The following TGFA variants were observed in gnomAD, a reference collection of about 807,000 sequenced individuals.
The protein encoded by TGFA is protransforming growth factor alpha.
Under a neutral mutation model 21.7 loss-of-function variants are expected in TGFA, and 12 were observed. The ratio of observed to expected loss-of-function variants is 0.55; its 90% CI spans 0.35 to 0.90. TGFA has a LOEUF of 0.90. Ranked by LOEUF, TGFA falls within the 40% of genes least tolerant of loss-of-function variation. The probability of loss-of-function intolerance (pLI) is 0.01; values close to 1 mark genes in which losing one functional copy is unlikely to be tolerated. For missense variants in TGFA, 178 were observed against 210.8 expected (o/e 0.84, Z 0.96); for synonymous variants, 79 against 88.1 (o/e 0.90, Z 0.58).
chr2:70,544,884 T>C (rs988673667), intron 1 of TGFA, among the ~76,000 whole-genome samples: 13 of 151,878 alleles, frequency 8.6e-5, no homozygotes, highest in Non-Finnish European at 1.3e-4. Flanking sequence ...GGGTAGTGGG[T>C]GGTGTGGGAG....
chr2:70,505,653 C>T (rs1020091903), intron 2 of TGFA, among the ~76,000 whole-genome samples: 3 of 152,072 alleles, frequency 2.0e-5, no homozygotes, highest in Non-Finnish European at 4.4e-5. Context: ...AGGGATTCCT[C>T]CTGAAGCTGC....
intron 2 of TGFA, among the ~76,000 whole-genome samples, chr2:70,512,959 C>G (rs1352981253): frequency 1.1e-4 from 17 of 152,138 alleles, no homozygotes; most frequent in Admixed American, 9.8e-4. Flanking sequence ...CACCAGAGAG[C>G]CGGGAAACTA....
chr2:70,505,306 A>G (rs113244936), intron 2 of TGFA, among the ~76,000 whole-genome samples: 5 of 152,314 alleles, frequency 3.3e-5, no homozygotes, highest in African/African-American at 1.2e-4. Flanking sequence ...CAAGGGCTGA[A>G]TCCCTGGGAA....
At chr2:70,521,472 T>A (rs1467519681) in intron 1 of TGFA, among the ~76,000 whole-genome samples, 1 of 152,124 alleles carries the variant, frequency 6.6e-6, no homozygotes. Flanking sequence ...TAAAAGCAGA[T>A]AAAGATATCC....
At chr2:70,503,626 G>A (rs1451623084) in intron 2 of TGFA, among the ~76,000 whole-genome samples, 4 of 151,486 alleles carry the variant, frequency 2.6e-5, no homozygotes, top group Admixed American at 6.6e-5. Context: ...GTCCCCAGGG[G>A]GCACAGTTAA....
chr2:70,501,847 C>T (rs1367764315), intron 2 of TGFA, among the ~76,000 whole-genome samples: 1 of 152,216 alleles, frequency 6.6e-6, no homozygotes, highest in Non-Finnish European at 1.5e-5. Context: ...GTGATCATCA[C>T]CTCTCCCTGA....
rs1669989901 is a variant in TGFA at position 70,449,685 on chromosome 2, C to CAA, written c.*1172_*1173dup. ...TTTCCTAGTGCTCGAAAATAAATAG[C>CAA]AAAGTTAAACTTCTCCTTTTAAAAA... On this transcript the variant is annotated 3_prime_UTR_variant, in exon 6 of 6. Coordinates refer to ENST00000295400, the MANE Select transcript of TGFA (RefSeq NM_003236.4). 5.4e-6 allele frequency: 1 copy of CAA among 185,208 alleles called. No individual in the cohort carries two copies. Among genetic ancestry groups the CAA allele is most frequent in the South Asian group, 8.1e-5 (1 of 12,390 alleles). The allele number at this position is 185,208 out of a possible 1,614,324, so 11.5% of individuals were successfully genotyped here.
At chr2:70,495,680 T>A (rs1671552450) in intron 2 of TGFA, among the ~76,000 whole-genome samples, 1 of 152,242 alleles carries the variant, frequency 6.6e-6, no homozygotes, top group Non-Finnish European at 1.5e-5. Flanking sequence ...CTCTCCAGTA[T>A]ATTTTTTATT....
intron 1 of TGFA, among the ~76,000 whole-genome samples, chr2:70,523,784 C>G (rs1553502611): frequency 6.6e-6 from 1 of 152,182 alleles, no homozygotes; most frequent in Admixed American, 6.5e-5. Context: ...TTCCCTACTT[C>G]AAGAGACAAA....
At chr2:70,456,030 C>T (rs1670217319) in intron 4 of TGFA, among the ~76,000 whole-genome samples, 1 of 152,222 alleles carries the variant, frequency 6.6e-6, no homozygotes, top group African/African-American at 2.4e-5. Flanking sequence ...GGAGCACCTG[C>T]CCATGTCATC....
At chr2:70,522,852 C>A (rs1672515239) in intron 1 of TGFA, among the ~76,000 whole-genome samples, 1 of 152,184 alleles carries the variant, frequency 6.6e-6, no homozygotes, top group South Asian at 2.1e-4. Flanking sequence ...CACTGAGCAC[C>A]TGCTGCACCA....
intron 1 of TGFA, among the ~76,000 whole-genome samples, chr2:70,546,399 A>G (rs951743870): frequency 3.7e-4 from 57 of 152,264 alleles, no homozygotes; most frequent in African/African-American, 1.3e-3. Flanking sequence ...TTGGGGTACA[A>G]TTCATTGTTA....
At chr2:70,501,495 A>G (rs2103814055) in intron 2 of TGFA, among the ~76,000 whole-genome samples, 1 of 152,216 alleles carries the variant, frequency 6.6e-6, no homozygotes, top group South Asian at 2.1e-4. Context: ...CTGCTCACTC[A>G]CAAAAATGCT....
At chr2:70,462,684 A>G (rs1254256991) in intron 3 of TGFA, among the ~76,000 whole-genome samples, 2 of 152,178 alleles carry the variant, frequency 1.3e-5, no homozygotes, top group African/African-American at 4.8e-5. Flanking sequence ...CAACTGATTA[A>G]AGCCATCTAA....
intron 1 of TGFA, 53 bp downstream of exon 1, chr2:70,553,675 G>A: frequency 1.5e-6 from 2 of 1,329,252 alleles, no homozygotes; most frequent in African/African-American, 1.5e-5. Flanking sequence ...GGCGGGGACC[G>A]GGGGAAGCAG....
chr2:70,461,172 G>A (rs1182153733), intron 3 of TGFA, among the ~76,000 whole-genome samples: 1 of 152,054 alleles, frequency 6.6e-6, no homozygotes, highest in Non-Finnish European at 1.5e-5. Flanking sequence ...ACTTTACCTC[G>A]GTCTGCCTGA....
At chr2:70,462,949 CT>C (rs782669985) in intron 3 of TGFA, among the ~76,000 whole-genome samples, 2 of 152,128 alleles carry the variant, frequency 1.3e-5, no homozygotes, top group Non-Finnish European at 2.9e-5. Flanking sequence ...TGACCCTGGC[CT>C]TTCTCAGGAG....
intron 2 of TGFA, among the ~76,000 whole-genome samples, chr2:70,467,032 T>C (rs13423812): frequency 0.63 from 95,442 of 150,846 alleles, 30,995 homozygotes; most frequent in African/African-American, 0.76. Context: ...TCTCCCCCCA[T>C]ACCCTTTTGG....
At chr2:70,494,610 A>G (rs1442189846) in intron 2 of TGFA, among the ~76,000 whole-genome samples, 1 of 152,224 alleles carries the variant, frequency 6.6e-6, no homozygotes, top group Non-Finnish European at 1.5e-5. Context: ...ATGTTGTACA[A>G]TTTATATACC....
Sources: gnomAD v4.1 joint callset for allele counts (sites outside exome capture counted in the v4.1 genomes callset) on GRCh38, gnomAD v4.1.1 for gene constraint, MANE v1.5 for transcripts, NCBI Gene and HGNC (gene_info 2026-07-23, HGNC 2026-07-21) for gene names.